PARD3B: variants seen among roughly 807,000 people sequenced by gnomAD.
PARD3B encodes the protein partitioning defective 3 homolog B.
A neutral mutation model predicts 130.2 loss-of-function variants in PARD3B; 103 were observed. The ratio of observed to expected loss-of-function variants is 0.79; its 90% CI spans 0.67 to 0.93. PARD3B has a LOEUF of 0.93. PARD3B is among the 40% of genes least tolerant of loss of function. The pLI is 0.00. For synonymous variants in PARD3B, 583 were observed against 553.2 expected (o/e 1.05, Z -0.76); for missense variants, 1,609 against 1,499.2 (o/e 1.07, Z -1.21).
chr2:205,297,020 G>A (rs896575136), intron 16 of PARD3B, among the ~76,000 whole-genome samples: 1 of 151,884 alleles, frequency 6.6e-6, no homozygotes, highest in Non-Finnish European at 1.5e-5. Context: ...CTTGATAATT[G>A]TGTGTCATCT....
At chr2:204,621,839 T>A (rs1200458895) in intron 1 of PARD3B, among the ~76,000 whole-genome samples, 3 of 152,222 alleles carry the variant, frequency 2.0e-5, no homozygotes, top group African/African-American at 4.8e-5. Context: ...AAGGAAGATC[T>A]TGTGGTGTTA....
intron 1 of PARD3B, among the ~76,000 whole-genome samples, chr2:204,547,684 A>C (rs1404953147): frequency 6.6e-6 from 1 of 152,186 alleles, no homozygotes; most frequent in Non-Finnish European, 1.5e-5. Flanking sequence ...TGTCTTACCA[A>C]ATTGAAGTTA....
chr2:205,514,207 A>G (rs1272809449), intron 21 of PARD3B, among the ~76,000 whole-genome samples: 2 of 152,136 alleles, frequency 1.3e-5, no homozygotes, highest in African/African-American at 4.8e-5. Flanking sequence ...AATACCATCA[A>G]TTAGTTGGTC....
chr2:205,048,574 TAA>T (rs1282095529), intron 4 of PARD3B: 1 of 152,212 alleles, frequency 6.6e-6, no homozygotes, highest in Non-Finnish European at 1.5e-5. Context: ...TTTCTCACTT[TAA>T]GTCTCACTGT....
intron 2 of PARD3B, among the ~76,000 whole-genome samples, chr2:204,779,137 C>T (rs1050638213): frequency 6.6e-6 from 1 of 152,092 alleles, no homozygotes; most frequent in Non-Finnish European, 1.5e-5. Context: ...ACTTCTCCTC[C>T]CCCTCAGGTT....
In PARD3B at chr2:205,176,087, A is replaced by G. The variant is rs1418753719; in HGVS notation, c.1792-358A>G. On this transcript the variant is annotated intron_variant, in intron 12 of 22. Transcript: ENST00000406610. This position sits in a 1 kb window ranked among gnomAD's most constrained non-coding sequence, Gnocchi z 5.3. ...GAGAGGAACCAGCTGGTTGGCAGAG[A>G]AACACCCTTGGCATGAACTGTATTC... Among the ~76,000 whole-genome samples the G allele has an allele frequency of 6.6e-6, 1 of 152,206 alleles. No homozygotes were observed. Among genetic ancestry groups the G allele is most frequent in the African/African-American group, 2.4e-5 (1 of 41,454 alleles).
At chr2:205,296,142 C>T (rs1312153762) in intron 16 of PARD3B, among the ~76,000 whole-genome samples, 1 of 152,158 alleles carries the variant, frequency 6.6e-6, no homozygotes, top group Non-Finnish European at 1.5e-5. Context: ...TATGAGCACT[C>T]ACGATGTGCC....
At chr2:204,785,603 T>G (rs1425660399) in intron 2 of PARD3B, among the ~76,000 whole-genome samples, 1 of 152,348 alleles carries the variant, frequency 6.6e-6, no homozygotes. Flanking sequence ...ATGAGAGTTA[T>G]GTGTATTGGT....
chr2:204,848,707 T>A (rs935505228), intron 2 of PARD3B, among the ~76,000 whole-genome samples: 1 of 150,848 alleles, frequency 6.6e-6, no homozygotes, highest in Non-Finnish European at 1.5e-5. Flanking sequence ...TGTATCTATA[T>A]ATATATTTTA....
intron 20 of PARD3B, among the ~76,000 whole-genome samples, chr2:205,445,778 G>A (rs1284513937): frequency 6.6e-6 from 1 of 152,210 alleles, no homozygotes; most frequent in African/African-American, 2.4e-5. Context: ...TCATGGGTAT[G>A]GGAATGAAGC....
chr2:204,786,113 CAAA>C (rs56704816), intron 2 of PARD3B, among the ~76,000 whole-genome samples: 22 of 94,016 alleles, frequency 2.3e-4, no homozygotes, highest in Admixed American at 2.3e-4. Context: ...GACTCCATCT[CAAA>C]AAAAAAAAAA....
At chr2:204,840,387 C>T (rs2125586380) in intron 2 of PARD3B, among the ~76,000 whole-genome samples, 1 of 152,218 alleles carries the variant, frequency 6.6e-6, no homozygotes, top group South Asian at 2.1e-4. Flanking sequence ...TGGGGAATAT[C>T]TCTACACTTC....
chr2:205,522,400 G>A (rs568263838), intron 21 of PARD3B, among the ~76,000 whole-genome samples: 1 of 151,682 alleles, frequency 6.6e-6, no homozygotes, highest in African/African-American at 2.4e-5. Context: ...TATTATTAAT[G>A]TATGGTTTTA....
At chr2:204,812,530 C>A (rs2042998969) in intron 2 of PARD3B, among the ~76,000 whole-genome samples, 1 of 152,184 alleles carries the variant, frequency 6.6e-6, no homozygotes, top group Non-Finnish European at 1.5e-5. Flanking sequence ...GTCTGCATTT[C>A]TTCTCCCCTG....
At chr2:205,239,891 A>C (rs979303529) in intron 15 of PARD3B, among the ~76,000 whole-genome samples, 1 of 152,126 alleles carries the variant, frequency 6.6e-6, no homozygotes, top group Non-Finnish European at 1.5e-5. Context: ...TGTTTGCACC[A>C]TTATACTAAT....
At chr2:204,846,712 A>T (rs960836101) in intron 2 of PARD3B, among the ~76,000 whole-genome samples, 1 of 150,580 alleles carries the variant, frequency 6.6e-6, no homozygotes, top group African/African-American at 2.4e-5. Flanking sequence ...CCTATACCTG[A>T]AAGTATTTCT....
chr2:204,953,420 CAG>C (rs138644226), intron 2 of PARD3B, among the ~76,000 whole-genome samples: 5,366 of 122,950 alleles, frequency 0.044, 118 homozygotes, highest in Non-Finnish European at 0.053. Flanking sequence ...TACACACACA[CAG>C]AGAGAGAGAG....
At chr2:204,709,054 T>A (rs570747372) in intron 2 of PARD3B, among the ~76,000 whole-genome samples, 2 of 152,302 alleles carry the variant, frequency 1.3e-5, no homozygotes, top group South Asian at 2.1e-4. Context: ...ATATAAATGA[T>A]GTTTGGGAGC....
intron 2 of PARD3B, among the ~76,000 whole-genome samples, chr2:204,723,355 T>A (rs2039079801): frequency 6.6e-6 from 1 of 152,178 alleles, no homozygotes; most frequent in Admixed American, 6.5e-5. Context: ...TTTGTATGTT[T>A]TTGTAATTTT....
Sources: allele counts gnomAD v4.1 joint callset (sites outside exome capture counted in the v4.1 genomes callset), GRCh38; gene constraint gnomAD v4.1.1; non-coding constraint Gnocchi (gnomAD v3.1); transcripts MANE v1.5; gene names NCBI Gene and HGNC (gene_info 2026-07-23, HGNC 2026-07-21).